Variants in MDGA2 observed in about 807,000 individuals in gnomAD.
The protein encoded by MDGA2 is MAM domain-containing glycosylphosphatidylinositol anchor protein 2.
Under a neutral mutation model 117.8 loss-of-function variants are expected in MDGA2, and 40 were observed. The ratio of observed to expected loss-of-function variants is 0.34; its 90% confidence interval spans 0.26 to 0.44. The LOEUF is 0.44. Ranked by LOEUF, MDGA2 falls within the 20% of genes least tolerant of loss-of-function variation. MDGA2 has a pLI of 1.00. For missense variants in MDGA2, 1,123 were observed against 1,250.6 expected (o/e 0.90, Z 1.54); for synonymous variants, 452 against 439.0 (o/e 1.03, Z -0.37).
intron 10 of MDGA2, among the ~76,000 whole-genome samples, chr14:46,883,858 T>G (rs1882561698): frequency 6.6e-6 from 1 of 152,052 alleles, no homozygotes; most frequent in South Asian, 2.1e-4. Context: ...TTAATTCAGA[T>G]ATATATATAT....
intron 1 of MDGA2, among the ~76,000 whole-genome samples, chr14:47,605,541 G>C (rs1327353556): frequency 6.6e-6 from 1 of 151,986 alleles, no homozygotes; most frequent in Non-Finnish European, 1.5e-5. Context: ...TGCCAGAATG[G>C]AGAAAATCAC....
chr14:47,440,552 AAAC>A (rs1892986549), intron 1 of MDGA2, among the ~76,000 whole-genome samples: 1 of 152,124 alleles, frequency 6.6e-6, no homozygotes, highest in South Asian at 2.1e-4. Context: ...AATTTTATAT[AAAC>A]GCTTTTCCAG....
At chr14:47,263,540 G>T (rs1375933230) in intron 2 of MDGA2, among the ~76,000 whole-genome samples, 3 of 152,018 alleles carry the variant, frequency 2.0e-5, no homozygotes, top group Non-Finnish European at 4.4e-5. Flanking sequence ...ACTGTTATAG[G>T]GTAGTACAAC....
At chr14:47,674,172 C>T (rs1011947162) in intron 1 of MDGA2, among the ~76,000 whole-genome samples, 1 of 152,064 alleles carries the variant, frequency 6.6e-6, no homozygotes, top group Admixed American at 6.5e-5. Flanking sequence ...GAAACCGTGA[C>T]ACCGACACCG....
chr14:47,094,990 T>C (rs925696312), intron 6 of MDGA2, among the ~76,000 whole-genome samples: 2 of 152,052 alleles, frequency 1.3e-5, no homozygotes, highest in Non-Finnish European at 2.9e-5. Context: ...GTTTTCTATA[T>C]ATTTCCATAT....
Position 46,941,763 on chromosome 14 carries a change from T to C in MDGA2, c.2089+15611A>G, listed in dbSNP as rs116991990. 1.6e-4 allele frequency among the ~76,000 whole-genome samples: 24 copies of C among 152,316 alleles called. No homozygotes were observed. In the East Asian group the frequency reaches 4.4e-3, roughly 28 times the overall value. On this transcript the variant is annotated intron_variant, in intron 9 of 16. Transcript: ENST00000399232. Reference sequence around the variant, plus strand: ...TATTCAGTTTTCTTTGTTCTATTCTTCTCTGGTGTCAGTACATATTAGAAA... The same window carrying C: ...TATTCAGTTTTCTTTGTTCTATTCTCCTCTGGTGTCAGTACATATTAGAAA...
At chr14:47,299,924 A>G (rs1347966525) in intron 2 of MDGA2, among the ~76,000 whole-genome samples, 1 of 152,146 alleles carries the variant, frequency 6.6e-6, no homozygotes, top group Non-Finnish European at 1.5e-5. Flanking sequence ...CAACATTTTT[A>G]ATAATTATTC....
intron 1 of MDGA2, among the ~76,000 whole-genome samples, chr14:47,369,763 G>A (rs1006634587): frequency 3.3e-5 from 5 of 151,822 alleles, no homozygotes; most frequent in African/African-American, 1.2e-4. Flanking sequence ...ATTTTTAAAT[G>A]ATTAATCATT....
At chr14:46,897,652 TAA>T (rs1883130376) in intron 10 of MDGA2, among the ~76,000 whole-genome samples, 1 of 25,396 alleles carries the variant, frequency 3.9e-5, no homozygotes, top group Admixed American at 8.2e-4. Flanking sequence ...TGTTTAACAG[TAA>T]GTAAGAATTA....
At chr14:47,090,444 A>C (rs1388636020) in intron 6 of MDGA2, among the ~76,000 whole-genome samples, 1 of 152,196 alleles carries the variant, frequency 6.6e-6, no homozygotes, top group Non-Finnish European at 1.5e-5. Flanking sequence ...TGATTCTAAA[A>C]TCATTTACAG....
At chr14:47,128,438 T>C (rs565016482) in intron 5 of MDGA2, among the ~76,000 whole-genome samples, 144 of 152,240 alleles carry the variant, frequency 9.5e-4, no homozygotes, top group Non-Finnish European at 1.7e-3. Context: ...TACTTTCATT[T>C]TATTTTTAAT....
chr14:47,013,859 T>C (rs930719590), intron 8 of MDGA2, among the ~76,000 whole-genome samples: 10 of 147,324 alleles, frequency 6.8e-5, no homozygotes, highest in African/African-American at 2.2e-4. Flanking sequence ...TACAATGGTA[T>C]GATCTCAGCT....
chr14:47,242,365 C>A (rs1237190559), intron 2 of MDGA2, among the ~76,000 whole-genome samples: 1 of 151,930 alleles, frequency 6.6e-6, no homozygotes, highest in Admixed American at 6.5e-5. Context: ...CCTTCAGCCC[C>A]CCACTGTACT....
At chr14:47,149,743 C>T (rs1043598980) in intron 3 of MDGA2, among the ~76,000 whole-genome samples, 8 of 152,152 alleles carry the variant, frequency 5.3e-5, no homozygotes, top group Admixed American at 5.2e-4. Context: ...ACACTATTTC[C>T]TGCTGTCCTT....
chr14:47,422,699 G>C (rs916774659), intron 1 of MDGA2, among the ~76,000 whole-genome samples: 9 of 152,082 alleles, frequency 5.9e-5, no homozygotes, highest in African/African-American at 2.2e-4. Context: ...GCTGGTGACA[G>C]TGCAAAAATA....
At chr14:47,327,226 C>A (rs920707958) in intron 1 of MDGA2, among the ~76,000 whole-genome samples, 1 of 152,182 alleles carries the variant, frequency 6.6e-6, no homozygotes, top group African/African-American at 2.4e-5. Context: ...TCAATCTCTT[C>A]CCCCTTTGTT....
intron 1 of MDGA2, among the ~76,000 whole-genome samples, chr14:47,655,804 G>T (rs1897732043): frequency 6.6e-6 from 1 of 152,120 alleles, no homozygotes; most frequent in South Asian, 2.1e-4. Flanking sequence ...AAGGATGCTG[G>T]CTTGGACTGT....
chr14:47,612,546 A>G (rs1438106211), intron 1 of MDGA2, among the ~76,000 whole-genome samples: 2 of 152,178 alleles, frequency 1.3e-5, no homozygotes, highest in Non-Finnish European at 2.9e-5. Flanking sequence ...TTTAAATTTT[A>G]TTAGTATTCC....
intron 3 of MDGA2, among the ~76,000 whole-genome samples, chr14:47,170,191 T>C (rs1884062673): frequency 1.3e-5 from 2 of 152,148 alleles, no homozygotes. Context: ...TCCAAGATTT[T>C]AGATACATTA....
Sources: gnomAD v4.1 joint callset for allele counts (sites outside exome capture counted in the v4.1 genomes callset) on GRCh38, gnomAD v4.1.1 for gene constraint, MANE v1.5 for transcripts, NCBI Gene and HGNC (gene_info 2026-07-23, HGNC 2026-07-21) for gene names.